ZC3H12B: variants seen among roughly 807,000 people sequenced by gnomAD.
ZC3H12B encodes zinc finger CCCH-type containing 12B, also known as probable ribonuclease ZC3H12B.
In ZC3H12B, 7 loss-of-function variants were observed where a neutral mutation model predicts 43.9. The ratio of observed to expected loss-of-function variants is 0.16; its 90% CI spans 0.09 to 0.30. The LOEUF is 0.30. ZC3H12B is among the 10% of genes least tolerant of loss of function. ZC3H12B has a pLI of 1.00. For missense variants in ZC3H12B, 475 were observed against 670.2 expected (o/e 0.71, Z 3.22); for synonymous variants, 222 against 241.7 (o/e 0.92, Z 0.76).
chrX:65,036,135 A>G, the ZC3H12B span, among the ~76,000 whole-genome samples: 1 of 111,913 alleles, frequency 8.9e-6, no homozygotes, highest in Non-Finnish European at 1.9e-5. Context: ...AGGTGATTAG[A>G]TGAGGTTCTA....
intron 3 of ZC3H12B, among the ~76,000 whole-genome samples, chrX:65,420,320 G>A (rs997521169): frequency 1.1e-4 from 12 of 110,963 alleles, no homozygotes; most frequent in Admixed American, 2.9e-4. Flanking sequence ...CCAAAGCAAC[G>A]CCAGCTGCCA....
At chrX:65,362,950 T>G (rs1280168573), upstream of ZC3H12B, among the ~76,000 whole-genome samples, 1 of 110,851 alleles carries the variant, frequency 9.0e-6, no homozygotes, top group Non-Finnish European at 1.9e-5. Context: ...AACCCATTAT[T>G]CCATTCTTGA....
chrX:65,122,991 A>G, the ZC3H12B span, among the ~76,000 whole-genome samples: 48 of 111,901 alleles, frequency 4.3e-4, no homozygotes, highest in African/African-American at 1.6e-3. Flanking sequence ...CAGAAAGTTA[A>G]CAAGTCTTGT....
At chrX:65,261,533 T>A in the ZC3H12B span, among the ~76,000 whole-genome samples, 1 of 111,031 alleles carries the variant, frequency 9.0e-6, no homozygotes. Flanking sequence ...GAGTGTGGTA[T>A]ACATCCATAC....
chrX:65,381,187 G>C (rs1304812023), intron 2 of ZC3H12B, among the ~76,000 whole-genome samples: 1 of 110,788 alleles, frequency 9.0e-6, no homozygotes, highest in Admixed American at 9.6e-5. Flanking sequence ...ATCCAAAATT[G>C]ACCGCATACG....
chrX:65,408,166 G>C, intron 3 of ZC3H12B: 3 of 1,201,547 alleles, frequency 2.5e-6, no homozygotes, highest in Non-Finnish European at 3.4e-6. Flanking sequence ...CCCTGGACCG[G>C]ATTAAAGAGG....
At chrX:65,470,581 C>T (rs983696854) in intron 3 of ZC3H12B, among the ~76,000 whole-genome samples, 11 of 110,963 alleles carry the variant, frequency 9.9e-5, no homozygotes, top group Non-Finnish European at 1.9e-4. Flanking sequence ...GCCGCCCTCA[C>T]CCTTGGGGCT....
chrX:65,361,910 C>T (rs1344994747), upstream of ZC3H12B, among the ~76,000 whole-genome samples: 1 of 112,365 alleles, frequency 8.9e-6, no homozygotes, highest in Non-Finnish European at 1.9e-5. Context: ...AGCCACATCT[C>T]CAGCACACAA....
chrX:65,096,415 C>T, the ZC3H12B span, among the ~76,000 whole-genome samples: 1 of 111,426 alleles, frequency 9.0e-6, no homozygotes, highest in African/African-American at 3.3e-5. Flanking sequence ...GCTAAGGATT[C>T]TAATGGAAAA....
intron 2 of ZC3H12B, among the ~76,000 whole-genome samples, chrX:65,396,970 C>CT (rs979002564): frequency 3.6e-5 from 4 of 111,590 alleles, no homozygotes; most frequent in South Asian, 3.7e-4. Flanking sequence ...CTTTCTTTGT[C>CT]TTTTTTTATC....
the ZC3H12B span, among the ~76,000 whole-genome samples, chrX:65,214,301 A>G: frequency 6.3e-5 from 7 of 111,734 alleles, no homozygotes; most frequent in Non-Finnish European, 1.3e-4. Flanking sequence ...TATCTGTAGC[A>G]TGTGATGCTG....
At chrX:65,315,229 T>C in the ZC3H12B span, among the ~76,000 whole-genome samples, 2 of 111,369 alleles carry the variant, frequency 1.8e-5, no homozygotes, top group Admixed American at 1.9e-4. Flanking sequence ...TATGGATTGA[T>C]TAAAAGTAGA....
the ZC3H12B span, among the ~76,000 whole-genome samples, chrX:65,217,550 C>A: frequency 2.7e-5 from 3 of 111,990 alleles, no homozygotes; most frequent in African/African-American, 9.7e-5. Context: ...GGAAGCTTGA[C>A]AAACATCAAG....
At chrX:65,159,932 G>A in the ZC3H12B span, among the ~76,000 whole-genome samples, 19 of 111,497 alleles carry the variant, frequency 1.7e-4, no homozygotes, top group East Asian at 2.5e-3. Context: ...TTTGAGATAC[G>A]TCCCATCAAT....
chrX:65,224,555 C>G, the ZC3H12B span, among the ~76,000 whole-genome samples: 4 of 112,729 alleles, frequency 3.5e-5, no homozygotes, highest in Admixed American at 2.8e-4. Context: ...CGTGCATGAG[C>G]CAAAGCAGGG....
the ZC3H12B span, among the ~76,000 whole-genome samples, chrX:65,120,790 A>T: frequency 9.0e-6 from 1 of 111,179 alleles, no homozygotes; most frequent in African/African-American, 3.3e-5. Flanking sequence ...TGGGTTTGTC[A>T]TAGATACCTC....
the ZC3H12B span, among the ~76,000 whole-genome samples, chrX:65,215,867 T>C: frequency 1.8e-5 from 2 of 111,591 alleles, no homozygotes; most frequent in Non-Finnish European, 3.8e-5. Context: ...GAGGCTGTTA[T>C]AGGGTTATCA....
the ZC3H12B span, among the ~76,000 whole-genome samples, chrX:65,298,393 AG>A: frequency 8.9e-6 from 1 of 112,254 alleles, no homozygotes; most frequent in Non-Finnish European, 1.9e-5. Context: ...ATGCAGTAAA[AG>A]AAGTGATTAG....
At chrX:65,228,948 G>T in the ZC3H12B span, among the ~76,000 whole-genome samples, 2 of 111,734 alleles carry the variant, frequency 1.8e-5, no homozygotes, top group Admixed American at 9.5e-5. Context: ...CATGAAAATG[G>T]CCATACTGCC....
Sources: allele counts gnomAD v4.1 joint callset (sites outside exome capture counted in the v4.1 genomes callset), GRCh38; gene constraint gnomAD v4.1.1; transcripts MANE v1.5; gene names NCBI Gene and HGNC (gene_info 2026-07-23, HGNC 2026-07-21).